Variants in INSL6 observed in about 807,000 individuals in gnomAD.
INSL6 encodes insulin-like peptide INSL6.
INSL6 carries 16 observed loss-of-function variants against 9.4 expected under a neutral mutation model. That is an observed-to-expected ratio of 1.70 (90% CI 1.15 to 2.59). The LOEUF is 2.59. Ranked by LOEUF, INSL6 falls within the 30% of genes most tolerant of loss-of-function variation. The probability of loss-of-function intolerance (pLI) is 0.00; values close to 1 mark genes in which losing one functional copy is unlikely to be tolerated. For synonymous variants in INSL6, 154 were observed against 96.9 expected (o/e 1.59, Z -3.46); for missense variants, 391 against 257.3 (o/e 1.52, Z -3.56).
chr9:5,072,679 T>A, the INSL6 span: 16 of 1,374,646 alleles, frequency 1.2e-5, no homozygotes, highest in East Asian at 3.7e-4. Context: ...AAAGATGTGC[T>A]CTCATATGCA....
the INSL6 span, chr9:5,110,773 G>A: frequency 7.7e-6 from 3 of 391,594 alleles, no homozygotes; most frequent in South Asian, 2.0e-5. Context: ...CCATGCAGGA[G>A]TGGTAAGGGC....
At chr9:5,069,893 T>C in the INSL6 span, 1 of 1,444,632 alleles carries the variant, frequency 6.9e-7, no homozygotes, top group South Asian at 1.3e-5. Context: ...CAGTGTATTT[T>C]GAAGTGATAT....
intron 2 of INSL6, among the ~76,000 whole-genome samples, chr9:5,142,275 T>G (rs1165493167): frequency 1.3e-5 from 2 of 152,208 alleles, no homozygotes; most frequent in Non-Finnish European, 2.9e-5. Flanking sequence ...TTAACAGGTA[T>G]AACACTGAAT....
At chr9:5,050,905 T>C in the INSL6 span, 19 of 1,301,362 alleles carry the variant, frequency 1.5e-5, no homozygotes, top group African/African-American at 2.2e-4. Context: ...ATTTTCTGTG[T>C]TTACCCATGC....
chr9:5,068,986 C>G, the INSL6 span: 2 of 1,215,350 alleles, frequency 1.6e-6, no homozygotes, highest in East Asian at 4.8e-5. Flanking sequence ...TCCATTGTGA[C>G]TATCCCTCCC....
intron 3 of INSL6, chr9:5,126,889 T>C: frequency 1.7e-6 from 1 of 589,788 alleles, no homozygotes; most frequent in South Asian, 2.8e-5. Context: ...CATTATTATA[T>C]AAATCATGAT....
At chr9:5,124,061 G>C (rs895087766) in exon 4 of INSL6, among the ~76,000 whole-genome samples, 8 of 151,452 alleles carry the variant, frequency 5.3e-5, no homozygotes, top group African/African-American at 1.9e-4. Flanking sequence ...ACGATTATTA[G>C]GGGGTTTTGG....
At chr9:5,074,275 A>T in the INSL6 span, among the ~76,000 whole-genome samples, 3 of 152,232 alleles carry the variant, frequency 2.0e-5, no homozygotes, top group Middle Eastern at 0.01. Context: ...CCATGCTTTA[A>T]TACTATACAG....
At chr9:5,117,072 A>G in the INSL6 span, among the ~76,000 whole-genome samples, 2 of 152,196 alleles carry the variant, frequency 1.3e-5, no homozygotes, top group Non-Finnish European at 2.9e-5. Context: ...CATCCATGTG[A>G]GGACACGGCA....
chr9:5,111,198 G>A, the INSL6 span: 87 of 642,180 alleles, frequency 1.4e-4, 1 homozygote, highest in East Asian at 3.0e-3. Context: ...TCCTGGGACC[G>A]GGACTCGGAG....
chr9:5,004,613 G>T, the INSL6 span, among the ~76,000 whole-genome samples: 1 of 152,070 alleles, frequency 6.6e-6, no homozygotes, highest in Non-Finnish European at 1.5e-5. Flanking sequence ...TGTAGATATT[G>T]CTTTGACATA....
chr9:5,128,702 C>T (rs527372696), intron 3 of INSL6, among the ~76,000 whole-genome samples: 178 of 151,856 alleles, frequency 1.2e-3, no homozygotes, highest in Non-Finnish European at 1.0e-3. Context: ...TATAAAATTC[C>T]AAGTTTCCAA....
the INSL6 span, among the ~76,000 whole-genome samples, chr9:5,029,537 A>G: frequency 2.0e-5 from 3 of 152,230 alleles, no homozygotes; most frequent in Non-Finnish European, 4.4e-5. Flanking sequence ...TTGTAAAGAA[A>G]AAAACCCCAC....
At position 5,156,685 on chromosome 9, in the gene INSL6, A is replaced by C. The variant is rs1824819962; in HGVS notation, c.376+7494T>G. ...ACTGGAAGTCCTAGGCAATGCAATG[A>C]GTCAATAAAAAGAAATTAAAGACAT... On this transcript the variant is annotated intron_variant, in intron 2 of 3. Transcript: ENST00000649639. Among the ~76,000 whole-genome samples, 4 of 152,330 alleles carry C rather than the reference A, an allele frequency of 2.6e-5. No homozygotes were observed. In the South Asian group the frequency reaches 6.2e-4, roughly 24 times the overall value.
intron 2 of INSL6, among the ~76,000 whole-genome samples, chr9:5,152,805 C>T (rs951897238): frequency 1.3e-5 from 2 of 152,176 alleles, no homozygotes; most frequent in African/African-American, 4.8e-5. Flanking sequence ...CCAGCAAGAT[C>T]GACGCAGAAG....
At chr9:5,142,493 C>T (rs548478724) in intron 2 of INSL6, among the ~76,000 whole-genome samples, 1 of 152,084 alleles carries the variant, frequency 6.6e-6, no homozygotes, top group African/African-American at 2.4e-5. Context: ...CGATTTGGCT[C>T]TCAACTTGAG....
chr9:5,040,203 T>A, the INSL6 span, among the ~76,000 whole-genome samples: 94,405 of 152,004 alleles, frequency 0.62, 31,454 homozygotes, highest in African/African-American at 0.88. Context: ...TTCATGGGCA[T>A]AGAATAGTCT....
At chr9:5,005,506 G>A in the INSL6 span, among the ~76,000 whole-genome samples, 1 of 151,960 alleles carries the variant, frequency 6.6e-6, no homozygotes, top group African/African-American at 2.4e-5. Flanking sequence ...CACTCCTGGG[G>A]GTAAATTCAT....
the INSL6 span, among the ~76,000 whole-genome samples, chr9:4,996,620 G>T: frequency 1.3e-5 from 2 of 151,734 alleles, no homozygotes; most frequent in African/African-American, 4.8e-5. Context: ...CATTGCATCA[G>T]ATCTTCAGTT....
Sources: gnomAD v4.1 joint callset for allele counts (sites outside exome capture counted in the v4.1 genomes callset) on GRCh38, gnomAD v4.1.1 for gene constraint, MANE v1.5 for transcripts, NCBI Gene and HGNC (gene_info 2026-07-23, HGNC 2026-07-21) for gene names.